Variants in CCDC33 observed in about 807,000 individuals in gnomAD.
The protein encoded by CCDC33 is coiled-coil domain-containing protein 33.
A neutral mutation model predicts 91.9 loss-of-function variants in CCDC33; 94 were observed. The observed-to-expected ratio is 1.02, with a 90% confidence interval of 0.87 to 1.21. The LOEUF (loss-of-function observed/expected upper bound fraction) is 1.21. Ranked by LOEUF, CCDC33 falls within the 50% of genes most tolerant of loss-of-function variation. The pLI is 0.00. For synonymous variants in CCDC33, 396 were observed against 374.5 expected (o/e 1.06, Z -0.66); for missense variants, 940 against 935.5 (o/e 1.00, Z -0.06).
chr15:74,302,290 T>C (rs2059810627), intron 11 of CCDC33: 1 of 152,148 alleles, frequency 6.6e-6, no homozygotes, highest in Non-Finnish European at 1.5e-5. Flanking sequence ...CAGCCCCAGA[T>C]CATGAGTGCA....
At chr15:74,288,749 A>G (rs957911186) in intron 10 of CCDC33, among the ~76,000 whole-genome samples, 2 of 152,052 alleles carry the variant, frequency 1.3e-5, no homozygotes, top group African/African-American at 4.8e-5. Context: ...TGTACCCCCA[A>G]CCCCAAGCTC....
At chr15:74,322,187 G>A (rs146207966) in intron 11 of CCDC33, among the ~76,000 whole-genome samples, 1 of 152,308 alleles carries the variant, frequency 6.6e-6, no homozygotes, top group African/African-American at 2.4e-5. Flanking sequence ...ACCCCAAAAT[G>A]TTATCATTTA....
chr15:74,222,288 C>T (rs2074620580), intron 2 of CCDC33, among the ~76,000 whole-genome samples: 1 of 152,130 alleles, frequency 6.6e-6, no homozygotes, highest in African/African-American at 2.4e-5. Flanking sequence ...TTTCTGGAAA[C>T]GCAAATTTTA....
chr15:74,287,692 G>A (rs1001119251), intron 10 of CCDC33, among the ~76,000 whole-genome samples: 1 of 152,204 alleles, frequency 6.6e-6, no homozygotes, highest in African/African-American at 2.4e-5. Context: ...CTTGGTGGCA[G>A]GAGCCTGTAA....
At chr15:74,235,818 A>G (rs77842580), upstream of CCDC33, among the ~76,000 whole-genome samples, 22 of 152,320 alleles carry the variant, frequency 1.4e-4, no homozygotes, top group East Asian at 4.0e-3. Context: ...TTTATTTTCA[A>G]TAATGTAATG....
At chr15:74,232,745 G>A (rs945611888), upstream of CCDC33, among the ~76,000 whole-genome samples, 8 of 152,344 alleles carry the variant, frequency 5.3e-5, no homozygotes, top group Middle Eastern at 6.8e-3. Context: ...TCTGAGGGCC[G>A]AATGAGACCA....
At chr15:74,246,399 A>G (rs2075530789) in intron 2 of CCDC33, among the ~76,000 whole-genome samples, 1 of 152,266 alleles carries the variant, frequency 6.6e-6, no homozygotes. Flanking sequence ...GGTATGGGAG[A>G]AAATATTTGC....
chr15:74,322,711 T>C (rs985489492), intron 11 of CCDC33, among the ~76,000 whole-genome samples: 57 of 152,212 alleles, frequency 3.7e-4, no homozygotes, highest in African/African-American at 1.4e-3. Flanking sequence ...CCACTCAGGT[T>C]GGCCTCATCC....
intron 2 of CCDC33, among the ~76,000 whole-genome samples, chr15:74,252,058 G>T (rs1044441950): frequency 6.6e-6 from 1 of 152,150 alleles, no homozygotes; most frequent in Non-Finnish European, 1.5e-5. Context: ...CTTGCCCAAG[G>T]TCACAGAACT....
chr15:74,256,607 G>T (rs779712184), intron 2 of CCDC33, among the ~76,000 whole-genome samples: 1 of 152,104 alleles, frequency 6.6e-6, no homozygotes, highest in Non-Finnish European at 1.5e-5. Flanking sequence ...TGGCTCCCAG[G>T]GCCCCTCACC....
At chr15:74,247,431 T>C (rs1595935733) in intron 2 of CCDC33, among the ~76,000 whole-genome samples, 1 of 152,220 alleles carries the variant, frequency 6.6e-6, no homozygotes, top group Middle Eastern at 3.4e-3. Context: ...ACTTGTGTCA[T>C]ATATACACAC....
chr15:74,234,918 T>A (rs116423624), upstream of CCDC33, among the ~76,000 whole-genome samples: 219 of 152,328 alleles, frequency 1.4e-3, no homozygotes, highest in African/African-American at 5.2e-3. Context: ...CTGGCTTGCA[T>A]CTTCAGTCCT....
In CCDC33 at chr15:74,336,035, T is replaced by TA. The variant is rs1244065161; in HGVS notation, c.2252dup (p.Asn751LysfsTer25). 4 of 1,613,816 alleles carry TA rather than the reference T, an allele frequency of 2.5e-6. No individual in the cohort carries two copies. The highest frequency in any genetic ancestry group is 3.4e-6 in the Non-Finnish European group (4 of 1,180,020). ...CCTTGAGCCCCCAGAAGGAGACCGC[T>TA]AACTCTCAGCAGACCTGAGCCCCAG... On this transcript the variant is annotated frameshift_variant, in exon 19 of 19. Coordinates refer to ENST00000398814, the MANE Select transcript of CCDC33 (RefSeq NM_025055.5). LOFTEE classifies it high-confidence loss of function.
At chr15:74,229,636 C>T (rs148107007) in intron 2 of CCDC33, among the ~76,000 whole-genome samples, 1 of 152,354 alleles carries the variant, frequency 6.6e-6, no homozygotes, top group Non-Finnish European at 1.5e-5. Context: ...TATACACACC[C>T]GTGCATGCCC....
At chr15:74,241,316 G>T (rs908127952) in intron 1 of CCDC33, among the ~76,000 whole-genome samples, 4 of 152,220 alleles carry the variant, frequency 2.6e-5, no homozygotes, top group African/African-American at 9.6e-5. Flanking sequence ...GCTAGGCAAG[G>T]ACCACAGCCT....
chr15:74,239,699 G>A (rs1191415258), intron 1 of CCDC33, among the ~76,000 whole-genome samples: 1 of 152,202 alleles, frequency 6.6e-6, no homozygotes, highest in African/African-American at 2.4e-5. Flanking sequence ...GTGTTGGGTG[G>A]GTTAAGTGAG....
intron 2 of CCDC33, among the ~76,000 whole-genome samples, chr15:74,250,339 C>T (rs2075668178): frequency 1.3e-5 from 2 of 152,126 alleles, no homozygotes; most frequent in Non-Finnish European, 2.9e-5. Flanking sequence ...TGGGTCTTTG[C>T]CGGCCCCTCC....
upstream of CCDC33, among the ~76,000 whole-genome samples, chr15:74,231,607 A>T (rs351172): frequency 0.66 from 99,833 of 152,098 alleles, 33,439 homozygotes; most frequent in Non-Finnish European, 0.71. Flanking sequence ...GTTTGGTGGT[A>T]ATGATCTCGG....
intron 15 of CCDC33, 94 bp from the exon 16 acceptor site, chr15:74,332,585 G>C: frequency 7.4e-7 from 1 of 1,344,788 alleles, no homozygotes; most frequent in Non-Finnish European, 1.0e-6. Context: ...GAGGGGAGGG[G>C]TGGCAGATTG....
Sources: gnomAD v4.1 joint callset for allele counts (sites outside exome capture counted in the v4.1 genomes callset) on GRCh38, gnomAD v4.1.1 for gene constraint, MANE v1.5 for transcripts, NCBI Gene and HGNC (gene_info 2026-07-23, HGNC 2026-07-21) for gene names.